The following POLR3B variants were observed in gnomAD, a reference collection of about 807,000 sequenced individuals.
The protein encoded by POLR3B is RNA polymerase III subunit B.
Under a neutral mutation model 147.4 loss-of-function variants are expected in POLR3B, and 96 were observed. The observed-to-expected ratio is 0.65, with a 90% CI of 0.55 to 0.77. The LOEUF is 0.77. Among genes scored for constraint, POLR3B ranks in the 30% least tolerant of loss-of-function variants. POLR3B has a pLI of 0.00. For synonymous variants in POLR3B, 461 were observed against 485.9 expected (o/e 0.95, Z 0.67); for missense variants, 1,036 against 1,413.5 (o/e 0.73, Z 4.28).
intron 23 of POLR3B, among the ~76,000 whole-genome samples, chr12:106,483,249 G>T (rs978516780): frequency 6.6e-6 from 1 of 152,194 alleles, no homozygotes; most frequent in East Asian, 1.9e-4. Context: ...GACCTGCACA[G>T]TTAAGACCTG....
chr12:106,484,679 T>C (rs2038313283), intron 23 of POLR3B, among the ~76,000 whole-genome samples: 1 of 151,400 alleles, frequency 6.6e-6, no homozygotes, highest in African/African-American at 2.4e-5. Context: ...AAAGAGTGGA[T>C]GGTTTAGAGG....
chr12:106,358,042 T>G lies in POLR3B; in HGVS notation c.72+91T>G, dbSNP rs1411587419. 3.2e-6 allele frequency: 5 copies of G among 1,565,994 alleles called. No homozygotes were observed. The Admixed American group carries it at 7.6e-5, about 24-fold the overall frequency. ...TGCTCGGGCCGCCAAGGGGGCGGGC[T>G]GGCGGTTTGTGCGCATGCGCCGGGC... On this transcript the variant is annotated intron_variant, in intron 1 of 27. Transcript: ENST00000228347.
At chr12:106,357,993 G>A (rs533551371) in intron 1 of POLR3B, 42 bp downstream of exon 1, 5 of 1,604,878 alleles carry the variant, frequency 3.1e-6, no homozygotes, top group Non-Finnish European at 1.7e-6. Context: ...ACAAGGATGC[G>A]CCCTGAGGGG....
At chr12:106,418,533 C>G (rs544443920) in intron 12 of POLR3B, among the ~76,000 whole-genome samples, 2 of 152,218 alleles carry the variant, frequency 1.3e-5, no homozygotes, top group Non-Finnish European at 2.9e-5. Context: ...AATTAGAATT[C>G]TCTGACATTA....
chr12:106,503,035 A>G (rs1190588656), intron 26 of POLR3B, among the ~76,000 whole-genome samples: 2 of 152,222 alleles, frequency 1.3e-5, no homozygotes, highest in East Asian at 3.8e-4. Flanking sequence ...TTCTGTCCAC[A>G]TGTGGTCTGT....
intron 19 of POLR3B, among the ~76,000 whole-genome samples, chr12:106,448,427 C>CTT (rs869133588): frequency 0.017 from 873 of 50,636 alleles, 166 homozygotes; most frequent in Non-Finnish European, 0.028. Flanking sequence ...TACGTTATTT[C>CTT]TTTTTTTTTT....
intron 12 of POLR3B, among the ~76,000 whole-genome samples, chr12:106,418,928 A>G (rs2037339505): frequency 6.6e-6 from 1 of 152,208 alleles, no homozygotes; most frequent in African/African-American, 2.4e-5. Flanking sequence ...TACCAAGGAC[A>G]TTTCCTTGTG....
intron 11 of POLR3B, chr12:106,410,609 T>A: frequency 1.8e-6 from 1 of 565,872 alleles, no homozygotes; most frequent in South Asian, 2.1e-5. Flanking sequence ...GTAGTCATCT[T>A]TGACACAGAG....
At chr12:106,500,080 CG>C (rs1460908271) in intron 25 of POLR3B, 10 of 455,998 alleles carry the variant, frequency 2.2e-5, no homozygotes, top group African/African-American at 1.8e-4. Context: ...TCTGACCTGT[CG>C]GGCGCTCTGT....
intron 26 of POLR3B, among the ~76,000 whole-genome samples, chr12:106,503,041 T>C (rs1377818994): frequency 6.6e-6 from 1 of 152,212 alleles, no homozygotes; most frequent in Non-Finnish European, 1.5e-5. Flanking sequence ...CCACATGTGG[T>C]CTGTCTACCT....
chr12:106,500,792 A>G (rs1487584509), intron 25 of POLR3B, among the ~76,000 whole-genome samples: 1 of 152,190 alleles, frequency 6.6e-6, no homozygotes, highest in Non-Finnish European at 1.5e-5. Context: ...GGAATAGGAA[A>G]CAGTGAGGTG....
Position 106,369,294 on chromosome 12 carries a change from G to C in POLR3B, c.247G>C (p.Gly83Arg), listed in dbSNP as rs1185467668. ...TTTCAGATATCTTAATATCTATGTT[G>C]GGCTTCCTGATGTTGAAGAAAGCTT... ...WYLKYLNIYV[G>R]LPDVEESFNV... The change falls in exon 5 of 28, where the codon GGG becomes CGG. Residue 83 changes from glycine (G) to arginine (R), a missense_variant. By Grantham distance (125) the Gly-to-Arg change is moderately radical (BLOSUM62 -2). Coordinates refer to ENST00000228347, the MANE Select transcript of POLR3B (RefSeq NM_018082.6). The C allele has an allele frequency of 6.3e-7, 1 of 1,592,864 alleles. No homozygotes were observed. Among genetic ancestry groups the C allele is most frequent in the Non-Finnish European group, 8.6e-7 (1 of 1,160,740 alleles).
chr12:106,422,625 A>G (rs570655707), intron 12 of POLR3B, among the ~76,000 whole-genome samples: 16 of 152,318 alleles, frequency 1.1e-4, no homozygotes, highest in African/African-American at 3.6e-4. Context: ...CATTTATTGT[A>G]TAGTCTTTCA....
intron 10 of POLR3B, among the ~76,000 whole-genome samples, chr12:106,399,919 G>A (rs1318689445): frequency 6.6e-6 from 1 of 152,184 alleles, no homozygotes; most frequent in Non-Finnish European, 1.5e-5. Flanking sequence ...GGAAGAAACT[G>A]CATCAACTAA....
chr12:106,406,316 A>C (rs752678013), intron 11 of POLR3B, among the ~76,000 whole-genome samples: 3 of 152,252 alleles, frequency 2.0e-5, no homozygotes, highest in Non-Finnish European at 4.4e-5. Flanking sequence ...AATAAATTAA[A>C]ATAAGCTTAC....
chr12:106,505,529 C>G (rs540084347), intron 27 of POLR3B, among the ~76,000 whole-genome samples: 1 of 152,194 alleles, frequency 6.6e-6, no homozygotes, highest in East Asian at 1.9e-4. Context: ...CTCAAGTGAT[C>G]CCTCCCAAAG....
intron 23 of POLR3B, among the ~76,000 whole-genome samples, chr12:106,471,810 G>A (rs1269369114): frequency 6.6e-6 from 1 of 152,016 alleles, no homozygotes; most frequent in African/African-American, 2.4e-5. Flanking sequence ...ATTTTATTCA[G>A]GTTTTAATCT....
chr12:106,385,963 T>A (rs2036830163), intron 9 of POLR3B, among the ~76,000 whole-genome samples: 1 of 152,222 alleles, frequency 6.6e-6, no homozygotes. Flanking sequence ...TTGCATTTTT[T>A]AAGCACAAAA....
chr12:106,399,672 T>G (rs2037034153), intron 10 of POLR3B, among the ~76,000 whole-genome samples: 1 of 152,148 alleles, frequency 6.6e-6, no homozygotes, highest in Admixed American at 6.5e-5. Flanking sequence ...GGGCCAATAT[T>G]CAACATTCTC....
Sources: gnomAD v4.1 joint callset for allele counts (sites outside exome capture counted in the v4.1 genomes callset) on GRCh38, gnomAD v4.1.1 for gene constraint, MANE v1.5 for transcripts, NCBI Gene and HGNC (gene_info 2026-07-23, HGNC 2026-07-21) for gene names.